Variants in ENOX1 observed in about 807,000 individuals in gnomAD.
ENOX1 encodes ecto-NOX disulfide-thiol exchanger 1, also known as candidate growth-related and time keeping constitutive hydroquinone (NADH) oxidase.
In ENOX1, 42 loss-of-function variants were observed where a neutral mutation model predicts 82.5. The ratio of observed to expected loss-of-function variants is 0.51; its 90% CI spans 0.40 to 0.66. The LOEUF (loss-of-function observed/expected upper bound fraction) is 0.66, where lower values mean the gene tolerates loss of function less well. Ranked by LOEUF, ENOX1 falls within the 30% of genes least tolerant of loss-of-function variation. The pLI is 0.00. For synonymous variants in ENOX1, 271 were observed against 282.2 expected, an observed-to-expected ratio of 0.96 and a Z score of 0.40; for missense variants, 608 against 811.6, an observed-to-expected ratio of 0.75 and a Z score of 3.05.
rs1339797877 is a variant in ENOX1 at position 43,532,167 on chromosome 13, A to G, written c.-218-48015T>C. Among the ~76,000 whole-genome samples the G allele has an allele frequency of 2.0e-5, 3 of 152,164 alleles. No individual in the cohort carries two copies. In the East Asian group the frequency reaches 5.8e-4, roughly 29 times the overall value. ...AGCTCTGTTAAAATAAAGAAAAAGAAGAAAATAAAATGGTATTATTTTCTA... is the reference window on the plus strand; with the variant it reads ...AGCTCTGTTAAAATAAAGAAAAAGAGGAAAATAAAATGGTATTATTTTCTA... On this transcript the variant is annotated intron_variant, in intron 2 of 16. Coordinates refer to ENST00000690772, the MANE Select transcript of ENOX1 (RefSeq NM_001347969.2).
chr13:43,247,852 TATATATATATA>T (rs2043181013), intron 14 of ENOX1, among the ~76,000 whole-genome samples: 2 of 2,830 alleles, frequency 7.1e-4, no homozygotes, highest in South Asian at 0.045. Context: ...TATATATATA[TATATATATATA>T]TATATATATA....
intron 1 of ENOX1, among the ~76,000 whole-genome samples, chr13:43,779,973 A>G (rs1952164738): frequency 6.6e-6 from 1 of 152,020 alleles, no homozygotes; most frequent in South Asian, 2.1e-4. Context: ...TGGCCAACAC[A>G]GTGAAACCCC....
At chr13:43,581,709 C>G (rs1000170615) in intron 2 of ENOX1, among the ~76,000 whole-genome samples, 5 of 152,150 alleles carry the variant, frequency 3.3e-5, no homozygotes, top group Admixed American at 6.5e-5. Context: ...CTCTGTTGGC[C>G]TTTACTGTGC....
At chr13:43,223,994 G>A (rs576156426) in intron 16 of ENOX1, 59 bp downstream of exon 16, 2 of 1,292,150 alleles carry the variant, frequency 1.5e-6, no homozygotes, top group East Asian at 4.8e-5. Flanking sequence ...TCCACCTGCA[G>A]GCAGCAATCA....
intron 16 of ENOX1, among the ~76,000 whole-genome samples, chr13:43,219,822 C>A (rs1325347154): frequency 6.6e-6 from 1 of 152,246 alleles, no homozygotes; most frequent in African/African-American, 2.4e-5. Flanking sequence ...CCCGTATCAT[C>A]AGGCAAGGGA....
At chr13:43,734,747 T>A (rs1401233117) in intron 1 of ENOX1, among the ~76,000 whole-genome samples, 1 of 152,180 alleles carries the variant, frequency 6.6e-6, no homozygotes, top group African/African-American at 2.4e-5. Context: ...GCATTCCTAT[T>A]GAAGGCGCTA....
chr13:43,708,192 T>C (rs978437178), intron 1 of ENOX1, among the ~76,000 whole-genome samples: 1 of 152,096 alleles, frequency 6.6e-6, no homozygotes. Flanking sequence ...TCTAGGAACA[T>C]TTGTCTGGTG....
intron 4 of ENOX1, 64 bp from the exon 5 acceptor site, chr13:43,412,117 C>G (rs2054171386): frequency 4.5e-6 from 7 of 1,569,828 alleles, no homozygotes; most frequent in Non-Finnish European, 6.1e-6. Flanking sequence ...TAAAGAAAAT[C>G]ACATTTCTAG....
chr13:43,577,246 C>T lies in ENOX1; in HGVS notation c.-219+90233G>A, dbSNP rs181666746. ...TCCTGGGTTCAAGTGATTCTCCTGC[C>T]TCACTCTCCTGAGTAGCTGGGATCA... On this transcript the variant is annotated intron_variant, in intron 2 of 16. Transcript: ENST00000690772. Among the ~76,000 whole-genome samples the T allele has an allele frequency of 9.9e-5, 15 of 152,240 alleles. No homozygotes were observed. In the East Asian group the frequency reaches 2.7e-3, roughly 28 times the overall value.
At chr13:43,309,839 A>AGTG (rs142745757) in intron 11 of ENOX1, among the ~76,000 whole-genome samples, 5 of 152,094 alleles carry the variant, frequency 3.3e-5, no homozygotes, top group African/African-American at 1.2e-4. Flanking sequence ...TGTTCATTAA[A>AGTG]ATTTGTTTTG....
At chr13:43,769,546 C>T (rs944292375) in intron 1 of ENOX1, among the ~76,000 whole-genome samples, 4 of 152,170 alleles carry the variant, frequency 2.6e-5, no homozygotes, top group Non-Finnish European at 5.9e-5. Flanking sequence ...TCTTTACATC[C>T]TATACTGGAA....
At chr13:43,406,566 C>T (rs1488300545) in intron 5 of ENOX1, among the ~76,000 whole-genome samples, 6 of 150,234 alleles carry the variant, frequency 4.0e-5, no homozygotes. Context: ...CATCTCGGCT[C>T]ACTGCAAGCT....
intron 5 of ENOX1, among the ~76,000 whole-genome samples, chr13:43,401,981 A>G (rs1401586454): frequency 6.6e-6 from 1 of 152,200 alleles, no homozygotes; most frequent in East Asian, 1.9e-4. Context: ...TGACAACATA[A>G]AATTCACAAC....
chr13:43,417,077 C>T (rs577420766), intron 3 of ENOX1, among the ~76,000 whole-genome samples: 92 of 152,276 alleles, frequency 6.0e-4, no homozygotes, highest in African/African-American at 2.0e-3. Flanking sequence ...GGCGTGGTGG[C>T]GTGCGCCTGC....
chr13:43,336,175 G>A (rs1400879489), intron 9 of ENOX1, among the ~76,000 whole-genome samples: 1 of 152,142 alleles, frequency 6.6e-6, no homozygotes, highest in African/African-American at 2.4e-5. Flanking sequence ...TTCCCTTGGT[G>A]GAAATAAAAA....
chr13:43,408,989 G>A (rs1480204106), intron 5 of ENOX1, among the ~76,000 whole-genome samples: 1 of 136,116 alleles, frequency 7.3e-6, no homozygotes, highest in Non-Finnish European at 1.6e-5. Context: ...ATATTTTTAG[G>A]AAATATGAAG....
intron 1 of ENOX1, among the ~76,000 whole-genome samples, chr13:43,707,031 T>C (rs905086900): frequency 4.6e-5 from 7 of 152,052 alleles, no homozygotes; most frequent in Middle Eastern, 3.4e-3. Flanking sequence ...TACATACACA[T>C]AAAATTACTG....
intron 2 of ENOX1, among the ~76,000 whole-genome samples, chr13:43,575,192 A>C (rs994186348): frequency 2.0e-5 from 3 of 152,208 alleles, no homozygotes; most frequent in Admixed American, 6.5e-5. Flanking sequence ...AGTCCTCTTA[A>C]AAGAACGCAG....
chr13:43,238,422 AT>A (rs2042654812), intron 14 of ENOX1, among the ~76,000 whole-genome samples: 1 of 152,220 alleles, frequency 6.6e-6, no homozygotes, highest in African/African-American at 2.4e-5. Flanking sequence ...GATTAGGCTG[AT>A]TAGGCACTTT....
Sources: allele counts gnomAD v4.1 joint callset (sites outside exome capture counted in the v4.1 genomes callset), GRCh38; gene constraint gnomAD v4.1.1; transcripts MANE v1.5; gene names NCBI Gene and HGNC (gene_info 2026-07-23, HGNC 2026-07-21).